Variants in UBR3 observed in about 807,000 individuals in gnomAD.
UBR3 encodes the protein ubiquitin protein ligase E3 component n-recognin 3, also known as E3 ubiquitin-protein ligase UBR3.
A neutral mutation model predicts 243.2 loss-of-function variants in UBR3; 85 were observed. That is an observed-to-expected ratio of 0.35 (90% CI 0.29 to 0.42). The LOEUF is 0.42. Ranked by LOEUF, UBR3 falls within the 10% of genes least tolerant of loss-of-function variation. The pLI, the probability that UBR3 is intolerant of heterozygous loss-of-function variation, is 1.00. For synonymous variants in UBR3, 748 were observed against 799.8 expected, an observed-to-expected ratio of 0.94 and a Z score of 1.09; for missense variants, 1,686 against 2,300.8, an observed-to-expected ratio of 0.73 and a Z score of 5.47.
At chr2:169,972,768 A>G (rs1373767302) in intron 24 of UBR3, among the ~76,000 whole-genome samples, 1 of 151,814 alleles carries the variant, frequency 6.6e-6, no homozygotes, top group East Asian at 1.9e-4. Flanking sequence ...CGTATCTCAA[A>G]ATAATAAGAA....
At chr2:169,836,037 CTCTCTCTATATATATATATA>C (rs1304686093) in intron 1 of UBR3, among the ~76,000 whole-genome samples, 8 of 12,544 alleles carry the variant, frequency 6.4e-4, no homozygotes, top group African/African-American at 2.3e-3. Flanking sequence ...CTCTCTCTCT[CTCTCTCTATATATATATATA>C]TATATATATA....
chr2:169,848,492 A>G (rs536902267), intron 1 of UBR3, among the ~76,000 whole-genome samples: 3 of 151,808 alleles, frequency 2.0e-5, no homozygotes, highest in Admixed American at 6.6e-5. Flanking sequence ...GTTCTATATT[A>G]CAGTTATATT....
rs2081785585 is a variant in UBR3 at position 169,827,682 on chromosome 2, C to T, written c.175C>T (p.Leu59=). The T allele has an allele frequency of 4.9e-6, 6 of 1,212,638 alleles. No individual in the cohort carries two copies. Among genetic ancestry groups the T allele is most frequent in the Non-Finnish European group, 6.1e-6 (6 of 978,992 alleles). 75.1% of individuals were successfully genotyped at this position (1,212,638 alleles called of 1,614,324 possible). ...EELQALLERV[L]SAERPLAAAA... is the part of the protein sequence containing the mutation. ...GCTGCAGGCGCTGCTGGAGCGGGTG[C>T]TGAGCGCCGAGCGGCCGCTGGCCGC... The change falls in exon 1 of 39, where the codon CTG becomes TTG. Residue 59 remains leucine (L), a synonymous_variant. Coordinates refer to ENST00000272793, the MANE Select transcript of UBR3 (RefSeq NM_172070.4).
chr2:169,878,892 T>C (rs1023779395), intron 5 of UBR3, among the ~76,000 whole-genome samples: 2 of 152,322 alleles, frequency 1.3e-5, no homozygotes, highest in Non-Finnish European at 2.9e-5. Flanking sequence ...TCCCCAAATT[T>C]ACCCGTATAG....
At chr2:170,029,593 A>G in intron 31 of UBR3, 145 bp downstream of exon 31, 2 of 640,896 alleles carry the variant, frequency 3.1e-6, no homozygotes. Flanking sequence ...AGAATTGAAA[A>G]CAGTTTACCA....
chr2:170,049,393 CA>C (rs1477982719), intron 32 of UBR3, among the ~76,000 whole-genome samples: 1 of 152,122 alleles, frequency 6.6e-6, no homozygotes, highest in African/African-American at 2.4e-5. Context: ...CTTGCTGTCT[CA>C]GGGGTGGCAA....
chr2:170,070,895 A>G (rs774081120), intron 35 of UBR3, among the ~76,000 whole-genome samples: 1 of 152,204 alleles, frequency 6.6e-6, no homozygotes, highest in Non-Finnish European at 1.5e-5. Flanking sequence ...TGTATCCAGA[A>G]TGTGTCAAAA....
intron 1 of UBR3, among the ~76,000 whole-genome samples, chr2:169,856,842 A>C: frequency 2.2e-5 from 1 of 46,148 alleles, no homozygotes; most frequent in East Asian, 5.4e-4. Flanking sequence ...AGGGAGGGGG[A>C]GGGGGAGGGG....
At chr2:169,984,782 A>G (rs777112212) in intron 24 of UBR3, among the ~76,000 whole-genome samples, 2 of 152,182 alleles carry the variant, frequency 1.3e-5, no homozygotes, top group Non-Finnish European at 2.9e-5. Flanking sequence ...TCTTGAAGAA[A>G]AAAAGGGACA....
intron 22 of UBR3, among the ~76,000 whole-genome samples, chr2:169,948,476 A>T (rs2086873866): frequency 6.6e-6 from 1 of 152,074 alleles, no homozygotes; most frequent in African/African-American, 2.4e-5. Flanking sequence ...AGTAATGAAA[A>T]ATCTTGAAAT....
intron 19 of UBR3, among the ~76,000 whole-genome samples, chr2:169,941,485 C>T (rs899115616): frequency 3.3e-5 from 5 of 152,136 alleles, no homozygotes; most frequent in Admixed American, 2.6e-4. Flanking sequence ...TATTTTCTGA[C>T]CATGGTTGAC....
chr2:169,958,648 C>T (rs556092582), intron 24 of UBR3, 122 bp downstream of exon 24: 6 of 787,682 alleles, frequency 7.6e-6, no homozygotes, highest in African/African-American at 5.3e-5. Flanking sequence ...TTTATTTGGT[C>T]CTTAAACAAT....
At chr2:169,881,766 T>G (rs1038662734) in intron 5 of UBR3, among the ~76,000 whole-genome samples, 23 of 139,406 alleles carry the variant, frequency 1.6e-4, no homozygotes, top group African/African-American at 6.0e-4. Context: ...ATTAATAAAT[T>G]ATATATAATA....
intron 8 of UBR3, among the ~76,000 whole-genome samples, chr2:169,899,949 C>T (rs758274127): frequency 4.0e-5 from 6 of 151,810 alleles, no homozygotes; most frequent in Non-Finnish European, 7.4e-5. Context: ...TGAACAGTGC[C>T]GCAATATACA....
rs1559206624 is a variant in UBR3 at position 170,035,919 on chromosome 2, G to GGA, written c.4557-4962_4557-4961insAG. ...TACCTAAGTATTTTATTGGGGGGGG[G>GGA]GTTGCTAATTTAAATGATGCTGTGT... On this transcript the variant is annotated intron_variant, in intron 31 of 38. Transcript: ENST00000272793. Among the ~76,000 whole-genome samples, 13 of 128,556 alleles carry GGA rather than the reference G, an allele frequency of 1.0e-4. 1 individual carries two copies. The highest frequency in any genetic ancestry group is 3.2e-4 in the Admixed American group (4 of 12,472). 84.3% of individuals were successfully genotyped at this position (128,556 alleles called of 152,430 possible).
chr2:170,023,025 C>T (rs1422251127), intron 30 of UBR3, among the ~76,000 whole-genome samples: 1 of 152,184 alleles, frequency 6.6e-6, no homozygotes, highest in Non-Finnish European at 1.5e-5. Context: ...CTATTACATT[C>T]ACCTTAGGAT....
chr2:169,994,209 T>C, intron 25 of UBR3, 114 bp from the exon 26 acceptor site: 1 of 1,262,690 alleles, frequency 7.9e-7, no homozygotes. Context: ...TTTAAAAATA[T>C]TCTAATAGTG....
At chr2:170,061,918 C>G (rs1263638805) in intron 35 of UBR3, among the ~76,000 whole-genome samples, 1 of 152,104 alleles carries the variant, frequency 6.6e-6, no homozygotes, top group East Asian at 1.9e-4. Flanking sequence ...TTAACATCCA[C>G]CCATTTTTAT....
chr2:170,039,932 C>G (rs1200996484), intron 31 of UBR3, among the ~76,000 whole-genome samples: 1 of 152,102 alleles, frequency 6.6e-6, no homozygotes, highest in Non-Finnish European at 1.5e-5. Context: ...CAGGGTCTCA[C>G]TGTGTTGCCC....
Sources: gnomAD v4.1 joint callset for allele counts (sites outside exome capture counted in the v4.1 genomes callset) on GRCh38, gnomAD v4.1.1 for gene constraint, MANE v1.5 for transcripts, NCBI Gene and HGNC (gene_info 2026-07-23, HGNC 2026-07-21) for gene names.